The following ERC2 variants were observed in gnomAD, a reference collection of about 807,000 sequenced individuals.
ERC2 encodes ELKS/RAB6-interacting/CAST family member 2, also known as ERC protein 2.
A neutral mutation model predicts 114.8 loss-of-function variants in ERC2; 42 were observed. The ratio of observed to expected loss-of-function variants is 0.37; its 90% CI spans 0.29 to 0.47. ERC2 has a LOEUF of 0.47. ERC2 is among the 20% of genes least tolerant of loss of function. The pLI, the probability that ERC2 is intolerant of heterozygous loss-of-function variation, is 0.99. For synonymous variants in ERC2, 454 were observed against 425.5 expected, an observed-to-expected ratio of 1.07 and a Z score of -0.82; for missense variants, 939 against 1,150.7, an observed-to-expected ratio of 0.82 and a Z score of 2.66.
intron 2 of ERC2, among the ~76,000 whole-genome samples, chr3:56,394,819 G>A (rs995228867): frequency 2.6e-5 from 4 of 151,946 alleles, no homozygotes; most frequent in African/African-American, 9.7e-5. Flanking sequence ...GTCCTAAAAA[G>A]GTTAAACATA....
rs769535745 is a variant in ERC2 at position 56,296,149 on chromosome 3, T to G, written c.944A>C (p.Lys315Thr). The change falls in exon 3 of 18, where the codon AAA becomes ACA. Residue 315 changes from lysine to threonine, a missense_variant. Around this residue, in one of 5 missense-constraint regions of ERC2, gnomAD observed 148 missense variants for 159.1 expected, o/e 0.93. Transcript: ENST00000288221. ...CTCCAGGCTTTTGGATGGCAAGCCT[T>G]TACTTTGCAACATCTCAAGAAGTTT... ...IKKLLEMLQS[K>T]GLPSKSLEDD... 3.1e-6 allele frequency: 5 copies of G among 1,614,018 alleles called. No homozygotes were observed. The highest frequency in any genetic ancestry group is 4.2e-6 in the Non-Finnish European group (5 of 1,179,884).
At chr3:55,592,819 G>T (rs1010912968) in intron 17 of ERC2, among the ~76,000 whole-genome samples, 1 of 152,182 alleles carries the variant, frequency 6.6e-6, no homozygotes, top group East Asian at 1.9e-4. Context: ...TCTGCTGAAA[G>T]TATCTCCCTT....
At chr3:55,669,135 T>C (rs959323776) in intron 17 of ERC2, among the ~76,000 whole-genome samples, 2 of 152,166 alleles carry the variant, frequency 1.3e-5, no homozygotes, top group African/African-American at 4.8e-5. Flanking sequence ...GCATTTCAGG[T>C]ATAATTATAT....
At chr3:56,427,415 T>A (rs1262426443) in intron 2 of ERC2, among the ~76,000 whole-genome samples, 1 of 152,142 alleles carries the variant, frequency 6.6e-6, no homozygotes, top group African/African-American at 2.4e-5. Flanking sequence ...CTTGAGCCAC[T>A]GCACCCAGCC....
chr3:56,100,652 T>A (rs923149745), intron 6 of ERC2, among the ~76,000 whole-genome samples: 1 of 152,246 alleles, frequency 6.6e-6, no homozygotes, highest in Non-Finnish European at 1.5e-5. Flanking sequence ...GCAAATTTCA[T>A]CATATTCATA....
At chr3:55,879,099 A>ATTTTTTTTTTTTTT (rs3047064) in intron 14 of ERC2, among the ~76,000 whole-genome samples, 2 of 127,818 alleles carry the variant, frequency 1.6e-5, no homozygotes, top group Non-Finnish European at 3.2e-5. Context: ...CTTTTTCTTA[A>ATTTTTTTTTTTTTT]TTTTTTTTTT....
At chr3:55,905,038 A>C (rs944047600) in intron 13 of ERC2, among the ~76,000 whole-genome samples, 27 of 152,198 alleles carry the variant, frequency 1.8e-4, no homozygotes, top group African/African-American at 6.3e-4. Context: ...TATGAACAAA[A>C]AAGGAGACAA....
chr3:55,883,754 G>A (rs922440186), intron 14 of ERC2, among the ~76,000 whole-genome samples: 4 of 152,056 alleles, frequency 2.6e-5, no homozygotes, highest in African/African-American at 9.7e-5. Flanking sequence ...TGGGTGTGGT[G>A]GTGGGTGCCT....
intron 2 of ERC2, among the ~76,000 whole-genome samples, chr3:56,355,379 C>T (rs1038952145): frequency 2.7e-5 from 4 of 149,532 alleles, no homozygotes; most frequent in Admixed American, 2.0e-4. Context: ...AGTGCAGTGA[C>T]GTGATCACAG....
At chr3:56,146,756 T>C (rs1048343114) in intron 5 of ERC2, among the ~76,000 whole-genome samples, 3 of 152,188 alleles carry the variant, frequency 2.0e-5, no homozygotes, top group South Asian at 2.1e-4. Context: ...TCACTCCCTA[T>C]ACAGCTGGCA....
chr3:56,383,195 A>G (rs2059815424), intron 2 of ERC2, among the ~76,000 whole-genome samples: 2 of 151,974 alleles, frequency 1.3e-5, no homozygotes, highest in Admixed American at 1.3e-4. Context: ...TGCTTCTACC[A>G]TTACCTTCCC....
intron 7 of ERC2, among the ~76,000 whole-genome samples, chr3:56,079,333 C>T (rs747332722): frequency 2.6e-5 from 4 of 152,148 alleles, no homozygotes; most frequent in African/African-American, 9.7e-5. Flanking sequence ...AGGCCTTAAT[C>T]GCTACAAGTG....
chr3:55,925,267 CA>C (rs2065680548), intron 13 of ERC2, among the ~76,000 whole-genome samples: 2 of 152,102 alleles, frequency 1.3e-5, no homozygotes, highest in African/African-American at 4.8e-5. Context: ...ACCTTGCATT[CA>C]ATGGCAGGGT....
At chr3:56,285,474 A>G (rs1218526161) in intron 3 of ERC2, among the ~76,000 whole-genome samples, 1 of 152,078 alleles carries the variant, frequency 6.6e-6, no homozygotes, top group Non-Finnish European at 1.5e-5. Flanking sequence ...CCTTGCTGAG[A>G]CTGAAAATCC....
chr3:56,030,648 T>C (rs1477545894), intron 7 of ERC2, among the ~76,000 whole-genome samples: 1 of 152,190 alleles, frequency 6.6e-6, no homozygotes, highest in Non-Finnish European at 1.5e-5. Context: ...TTTTAAAAAT[T>C]AATGTTAGAA....
intron 13 of ERC2, among the ~76,000 whole-genome samples, chr3:55,907,443 G>A (rs1286566331): frequency 6.6e-6 from 1 of 152,170 alleles, no homozygotes; most frequent in Admixed American, 6.5e-5. Context: ...AATAGCATCA[G>A]GTACGTACTC....
At chr3:56,051,387 G>A (rs2075756499) in intron 7 of ERC2, among the ~76,000 whole-genome samples, 1 of 152,060 alleles carries the variant, frequency 6.6e-6, no homozygotes, top group South Asian at 2.1e-4. Flanking sequence ...AAATAATGAT[G>A]GACTGCCTTC....
chr3:55,949,135 C>T (rs138003220), intron 13 of ERC2, among the ~76,000 whole-genome samples: 13 of 151,966 alleles, frequency 8.6e-5, no homozygotes, highest in Non-Finnish European at 1.3e-4. Context: ...TTTGGGAGGC[C>T]GAGGCGGGCG....
chr3:55,966,461 T>A (rs898522823), intron 12 of ERC2, among the ~76,000 whole-genome samples: 2 of 152,168 alleles, frequency 1.3e-5, no homozygotes, highest in African/African-American at 4.8e-5. Flanking sequence ...TAAGCATGTA[T>A]GCCATAGAAT....
Sources: gnomAD v4.1 joint callset for allele counts (sites outside exome capture counted in the v4.1 genomes callset) on GRCh38, gnomAD v4.1.1 for gene constraint, gnomAD v4.1.1 regional missense constraint, MANE v1.5 for transcripts, NCBI Gene and HGNC (gene_info 2026-07-23, HGNC 2026-07-21) for gene names.